The following NYNRIN variants were observed in gnomAD, a reference collection of about 807,000 sequenced individuals.
NYNRIN encodes protein NYNRIN.
Under a neutral mutation model 146.6 loss-of-function variants are expected in NYNRIN, and 86 were observed. The ratio of observed to expected loss-of-function variants is 0.59; its 90% CI spans 0.49 to 0.70. The LOEUF (loss-of-function observed/expected upper bound fraction) is 0.70, where lower values mean the gene tolerates loss of function less well. Among genes scored for constraint, NYNRIN ranks in the 30% least tolerant of loss-of-function variants. The pLI is 0.00. For synonymous variants in NYNRIN, 1,027 were observed against 1,001.3 expected (o/e 1.03, Z -0.48); for missense variants, 2,191 against 2,377.7 (o/e 0.92, Z 1.63).
chr14:24,416,882 C>T lies in NYNRIN; in HGVS notation c.5133C>T (p.Pro1711=), dbSNP rs2042951595. 6 of 1,607,048 alleles carry T rather than the reference C, an allele frequency of 3.7e-6. No homozygotes were observed. Among genetic ancestry groups the T allele is most frequent in the Non-Finnish European group, 5.1e-6 (6 of 1,175,942 alleles). ...CCCTGAGTCGGGACCTCCAGTTCCC[C>T]TGCCTGACGAGCTCAGGGGCCTACT... The part of the protein sequence containing the change: ...VASLSRDLQF[P]CLTSSGAYWE... The change falls in exon 9 of 9, where the codon CCC becomes CCT. Residue 1711 remains proline, a synonymous_variant. Coordinates refer to ENST00000382554, the MANE Select transcript of NYNRIN (RefSeq NM_025081.3).
At chr14:24,400,280 GC>G (rs1318195409) in intron 2 of NYNRIN, among the ~76,000 whole-genome samples, 2 of 152,148 alleles carry the variant, frequency 1.3e-5, no homozygotes, top group Non-Finnish European at 2.9e-5. Context: ...AATCTCCCTG[GC>G]TTCTCTCACA....
Position 24,415,845 on chromosome 14 carries a change from G to C in NYNRIN, c.4096G>C (p.Gly1366Arg), listed in dbSNP as rs753348018. Residue 1366 changes from glycine to arginine, a missense_variant, in exon 9 of 9, where the codon GGC becomes CGC. Gly to Arg is a moderately radical substitution (Grantham distance 125). Transcript: ENST00000382554. ...CGTGGCCTGCGGCCTGGAGCGCTTT[G>C]GCCAGTCCCCACTCCCAGTGGTTTT... ...AAVACGLERF[G>R]QSPLPVVFLT... 56 of 1,613,816 alleles carry C rather than the reference G, an allele frequency of 3.5e-5. No individual in the cohort carries two copies. The highest frequency in any genetic ancestry group is 2.3e-4 in the Admixed American group (14 of 60,006).
At position 24,417,969 on chromosome 14, in the gene NYNRIN, G is replaced by A; in HGVS notation, c.*523G>A. The A allele has an allele frequency of 3.9e-6, 1 of 257,138 alleles. No homozygotes were observed. Among genetic ancestry groups the A allele is most frequent in the Non-Finnish European group, 7.7e-6 (1 of 130,358 alleles). The allele number at this position is 257,138 out of a possible 1,614,324, so 15.9% of individuals were successfully genotyped here. ...GATGACATAAGCCTGGGCAGGCTGT[G>A]GGGAGGCCGCTGCCTCCTAGCCTCA... On this transcript the variant is annotated 3_prime_UTR_variant, in exon 9 of 9. Transcript: ENST00000382554.
At chr14:24,410,317 T>C (rs981555594) in intron 4 of NYNRIN, 109 bp downstream of exon 4, 2 of 852,814 alleles carry the variant, frequency 2.3e-6, no homozygotes, top group African/African-American at 1.7e-5. Context: ...ATGGGCGACA[T>C]GGGGAAGAGA....
chr14:24,412,939 A>G, intron 6 of NYNRIN, 58 bp from the exon 7 acceptor site: 2 of 1,119,568 alleles, frequency 1.8e-6, no homozygotes, highest in Non-Finnish European at 2.6e-6. Flanking sequence ...TTCCCAGATG[A>G]CCCAGGAAGT....
Position 24,405,033 on chromosome 14 carries a change from AATGTG to A in NYNRIN, c.199-2835_199-2831del, listed in dbSNP as rs1391237571. On this transcript the variant is annotated intron_variant, in intron 2 of 8. Coordinates refer to ENST00000382554, the MANE Select transcript of NYNRIN (RefSeq NM_025081.3). Reference sequence around the variant, plus strand: ...GTGTGTGTGTGTGTGTGTGTGAGAGAATGTGTGTGTGTGAATGTGTGTGAATGTGT... The same window carrying A: ...GTGTGTGTGTGTGTGTGTGTGAGAGATGTGTGTGAATGTGTGTGAATGTGT... Among the ~76,000 whole-genome samples the A allele has an allele frequency of 8.7e-4, 106 of 122,382 alleles. No individual in the cohort carries two copies. In the East Asian group the frequency reaches 9.6e-3, roughly 11 times the overall value. 80.3% of individuals were successfully genotyped at this position (122,382 alleles called of 152,430 possible).
chr14:24,410,051 A>T lies in NYNRIN; in HGVS notation c.2257A>T (p.Arg753Trp). Residue 753 changes from arginine (R) to tryptophan (W), a missense_variant, in exon 4 of 9, where the codon AGG becomes TGG. This residue lies in a region of NYNRIN where 895 missense variants were observed against 941.2 expected (regional missense o/e 0.95). Transcript: ENST00000382554. ...GLLGAWEGAP[R>W]QPPRHLQANS... ...CCTGGGGGCTTGGGAGGGGGCCCCA[A>T]GGCAGCCACCTCGCCACCTGCAAGC... 1 of 1,613,914 alleles carries T rather than the reference A, an allele frequency of 6.2e-7. No homozygotes were observed. The highest frequency in any genetic ancestry group is 1.3e-5 in the African/African-American group (1 of 75,068).
Position 24,411,504 on chromosome 14 carries a change from G to A in NYNRIN, c.2642+54G>A. 4 of 1,474,230 alleles carry A rather than the reference G, an allele frequency of 2.7e-6. No individual in the cohort carries two copies. Among genetic ancestry groups the A allele is most frequent in the Non-Finnish European group, 3.8e-6 (4 of 1,054,360 alleles). The allele number at this position is 1,474,230 out of a possible 1,614,324, so 91.3% of individuals were successfully genotyped here. On this transcript the variant is annotated intron_variant, in intron 6 of 8. Transcript: ENST00000382554. This position sits in a 1 kb window ranked among gnomAD's most constrained non-coding sequence, Gnocchi z 4.3. Reference sequence around the variant, plus strand: ...GGGCTCAGGGAGTTGGGCCTGGCTGGTGTGTCAGGTGGAGTCCGGCCTGTC... The same window carrying A: ...GGGCTCAGGGAGTTGGGCCTGGCTGATGTGTCAGGTGGAGTCCGGCCTGTC...
At chr14:24,400,940 C>T (rs2042838667) in intron 2 of NYNRIN, among the ~76,000 whole-genome samples, 1 of 152,092 alleles carries the variant, frequency 6.6e-6, no homozygotes, top group Admixed American at 6.5e-5. Context: ...CAGGCACGTG[C>T]CACCATGCCC....
In NYNRIN at chr14:24,415,696, G is replaced by A. The variant is rs768509689; in HGVS notation, c.3947G>A (p.Cys1316Tyr). 3 of 1,613,864 alleles carry A rather than the reference G, an allele frequency of 1.9e-6. No homozygotes were observed. Among genetic ancestry groups the A allele is most frequent in the African/African-American group, 2.7e-5 (2 of 74,940 alleles). ...GTCTGCATCCACATGTCGGGCTACT[G>A]CTTCTACCGTGAGGATGAGTGGTGT... ...TFVCIHMSGY[C>Y]FYREDEWCAG... Residue 1316 changes from cysteine (C) to tyrosine (Y), a missense_variant, in exon 9 of 9, where the codon TGC (cysteine) becomes TAC (tyrosine). Cys to Tyr is a radical substitution (Grantham distance 194). Transcript: ENST00000382554.
At chr14:24,401,524 T>C (rs2042843709) in intron 2 of NYNRIN, among the ~76,000 whole-genome samples, 1 of 152,028 alleles carries the variant, frequency 6.6e-6, no homozygotes, top group South Asian at 2.1e-4. Context: ...AGGAGGGGTA[T>C]GGTGAGGAGA....
chr14:24,410,070 T>G lies in NYNRIN; in HGVS notation c.2276T>G (p.Leu759Arg). The G allele has an allele frequency of 6.2e-7, 1 of 1,613,978 alleles. No homozygotes were observed. The highest frequency in any genetic ancestry group is 8.5e-7 in the Non-Finnish European group (1 of 1,179,904). The change falls in exon 4 of 9, where the codon CTG becomes CGG. Residue 759 changes from leucine (L) to arginine (R), a missense_variant. Physicochemically the swap from Leu to Arg is moderately radical, Grantham distance 102 (BLOSUM62 -2). This residue lies in a region of NYNRIN where 895 missense variants were observed against 941.2 expected (regional missense o/e 0.95). Transcript: ENST00000382554. ...EGAPRQPPRH[L>R]QANSTVTSFQ... ...GCCCCAAGGCAGCCACCTCGCCACC[T>G]GCAAGCGAACAGCACAGTGACCAGC...
intron 2 of NYNRIN, among the ~76,000 whole-genome samples, chr14:24,406,318 ATCT>A (rs1218768285): frequency 6.6e-6 from 1 of 152,158 alleles, no homozygotes; most frequent in African/African-American, 2.4e-5. Context: ...GCCACCCATA[ATCT>A]TCTTCCCCAG....
At position 24,415,090 on chromosome 14, in the gene NYNRIN, T is replaced by C. The variant is rs1467903297; in HGVS notation, c.3341T>C (p.Leu1114Pro). The change falls in exon 9 of 9, where the codon CTA becomes CCA. Residue 1114 changes from leucine to proline, a missense_variant. Transcript: ENST00000382554. ...HRDAIPDYEA[L>P]VGPLHSLLKQ... Reference sequence around the variant, plus strand: ...GATGCCATCCCTGACTATGAAGCCCTAGTGGGCCCCCTGCACAGCCTCCTC... The same window carrying C: ...GATGCCATCCCTGACTATGAAGCCCCAGTGGGCCCCCTGCACAGCCTCCTC... 1.2e-6 allele frequency: 2 copies of C among 1,610,822 alleles called. No individual in the cohort carries two copies. Among genetic ancestry groups the C allele is most frequent in the South Asian group, 1.1e-5 (1 of 91,068 alleles).
chr14:24,416,490 G>T lies in NYNRIN; in HGVS notation c.4741G>T (p.Asp1581Tyr). 2 of 1,613,616 alleles carry T rather than the reference G, an allele frequency of 1.2e-6. No individual in the cohort carries two copies. Among genetic ancestry groups the T allele is most frequent in the Non-Finnish European group, 1.7e-6 (2 of 1,179,740 alleles). The change falls in exon 9 of 9, where the codon GAT becomes TAT. Residue 1581 changes from aspartate (D) to tyrosine (Y), a missense_variant. Physicochemically the swap from Asp to Tyr is radical, Grantham distance 160. This residue lies in a region of NYNRIN where 1,291 missense variants were observed against 1,417.0 expected (regional missense o/e 0.91). Coordinates refer to ENST00000382554, the MANE Select transcript of NYNRIN (RefSeq NM_025081.3). ...WWPGMQEHVK[D>Y]YCRSCLFCIP... is the part of the protein sequence containing the mutation. ...GCCTGGGATGCAGGAGCATGTGAAAGATTACTGCAGGAGCTGCTTGTTCTG... is the reference window on the plus strand; with the variant it reads ...GCCTGGGATGCAGGAGCATGTGAAATATTACTGCAGGAGCTGCTTGTTCTG...
At chr14:24,399,526 A>C in intron 2 of NYNRIN, 82 bp downstream of exon 2, 2 of 1,262,150 alleles carry the variant, frequency 1.6e-6, no homozygotes, top group East Asian at 5.2e-5. Flanking sequence ...GGTGGTCCGC[A>C]GAGACACCAC....
intron 2 of NYNRIN, among the ~76,000 whole-genome samples, chr14:24,401,773 G>T (rs550844721): frequency 6.6e-6 from 1 of 152,336 alleles, no homozygotes; most frequent in East Asian, 1.9e-4. Context: ...GTAACTTTGA[G>T]CAAGTCCTTT....
At chr14:24,404,341 C>G (rs554090399) in intron 2 of NYNRIN, among the ~76,000 whole-genome samples, 1 of 152,270 alleles carries the variant, frequency 6.6e-6, no homozygotes, top group Non-Finnish European at 1.5e-5. Flanking sequence ...CTTATATTCT[C>G]TCTGTTAAAA....
In NYNRIN at chr14:24,408,145, G is replaced by T. The variant is rs370323848; in HGVS notation, c.475G>T (p.Val159Leu). The change falls in exon 3 of 9, where the codon GTG becomes TTG. Residue 159 changes from valine (V) to leucine (L), a missense_variant. Around this residue, in one of 3 missense-constraint regions of NYNRIN, gnomAD observed 895 missense variants for 941.2 expected, o/e 0.95. Transcript: ENST00000382554. Reference sequence around the variant, plus strand: ...CCCCCGGGGGATCTGGGAGGCTGAGGTGACCCGGGCCTTTGGGGCCCTGGT... The same window carrying T: ...CCCCCGGGGGATCTGGGAGGCTGAGTTGACCCGGGCCTTTGGGGCCCTGGT... Reference protein sequence around the residue: ...LTPRGIWEAEVTRAFGALVWI... With the variant: ...LTPRGIWEAELTRAFGALVWI... 2.4e-5 allele frequency: 38 copies of T among 1,606,232 alleles called. No individual in the cohort carries two copies. In the African/African-American group the frequency reaches 4.7e-4, roughly 20 times the overall value.
Sources: allele counts gnomAD v4.1 joint callset (sites outside exome capture counted in the v4.1 genomes callset), GRCh38; gene constraint gnomAD v4.1.1; regional missense constraint gnomAD v4.1.1; non-coding constraint Gnocchi (gnomAD v3.1); transcripts MANE v1.5; gene names NCBI Gene and HGNC (gene_info 2026-07-23, HGNC 2026-07-21).